ITGA9: variants seen among roughly 807,000 people sequenced by gnomAD.
The protein encoded by ITGA9 is integrin subunit alpha 9, also known as integrin alpha-9.
In ITGA9, 56 loss-of-function variants were observed where a neutral mutation model predicts 127.8. The ratio of observed to expected loss-of-function variants is 0.44; its 90% CI spans 0.35 to 0.55. The LOEUF is 0.55. Among genes scored for constraint, ITGA9 ranks in the 20% least tolerant of loss-of-function variants. The pLI, the probability that ITGA9 is intolerant of heterozygous loss-of-function variation, is 0.00. For missense variants in ITGA9, 1,196 were observed against 1,347.1 expected, an observed-to-expected ratio of 0.89 and a Z score of 1.76; for synonymous variants, 508 against 514.5, an observed-to-expected ratio of 0.99 and a Z score of 0.17.
intron 16 of ITGA9, among the ~76,000 whole-genome samples, chr3:37,645,483 G>A (rs1367713750): frequency 6.6e-6 from 1 of 152,136 alleles, no homozygotes; most frequent in Non-Finnish European, 1.5e-5. Context: ...CACGAGACTT[G>A]AACCCAGGAG....
chr3:37,765,886 G>A (rs1171915495), intron 23 of ITGA9, among the ~76,000 whole-genome samples: 2 of 152,250 alleles, frequency 1.3e-5, no homozygotes, highest in African/African-American at 4.8e-5. Context: ...GCTCACAGCT[G>A]CTGTGACATC....
chr3:37,465,062 A>G (rs1159480525), intron 1 of ITGA9, among the ~76,000 whole-genome samples: 8 of 152,270 alleles, frequency 5.3e-5, no homozygotes, highest in Admixed American at 2.6e-4. Flanking sequence ...TGCTGAAAGC[A>G]AACCTAATGG....
chr3:37,740,034 G>A (rs1696414086), intron 20 of ITGA9, among the ~76,000 whole-genome samples: 1 of 152,192 alleles, frequency 6.6e-6, no homozygotes, highest in Admixed American at 6.5e-5. Context: ...GAGGAGCCAG[G>A]GCAGAGACTG....
chr3:37,633,011 G>A (rs1700242157), intron 16 of ITGA9, among the ~76,000 whole-genome samples: 1 of 152,098 alleles, frequency 6.6e-6, no homozygotes, highest in African/African-American at 2.4e-5. Flanking sequence ...CAACCAGAAG[G>A]AGCAAGATGT....
chr3:37,706,502 G>T (rs1233927922), intron 18 of ITGA9, among the ~76,000 whole-genome samples: 1 of 152,198 alleles, frequency 6.6e-6, no homozygotes, highest in Non-Finnish European at 1.5e-5. Flanking sequence ...TGAGGTCACT[G>T]CCATTGGTGC....
At chr3:37,536,597 A>G (rs997696135) in intron 14 of ITGA9, among the ~76,000 whole-genome samples, 2 of 152,200 alleles carry the variant, frequency 1.3e-5, no homozygotes, top group Non-Finnish European at 2.9e-5. Context: ...ATGTACAGAG[A>G]AGGGACACCA....
chr3:37,786,097 C>G (rs1370103375), intron 26 of ITGA9, among the ~76,000 whole-genome samples: 2 of 152,126 alleles, frequency 1.3e-5, no homozygotes, highest in African/African-American at 4.8e-5. Flanking sequence ...GAGACAGCAG[C>G]CGATGCACTT....
rs143960385 is a variant in ITGA9, at chr3:37,653,797, C to T, written c.1916+7C>T. 8.8e-5 allele frequency: 141 copies of T among 1,607,780 alleles called. No homozygotes were observed. In the East Asian group the frequency reaches 1.7e-3, roughly 20 times the overall value. On this transcript the variant is annotated splice_region_variant and intron_variant, in intron 17 of 27. Coordinates refer to ENST00000264741, the MANE Select transcript of ITGA9 (RefSeq NM_002207.3). ...GTAAACTGCTGCTCTCCAGGTATGT[C>T]GGTGTTTCCTTCAGAGCATTGTTCT...
intron 18 of ITGA9, among the ~76,000 whole-genome samples, chr3:37,710,202 C>G (rs936016789): frequency 2.0e-5 from 3 of 152,200 alleles, no homozygotes; most frequent in African/African-American, 4.8e-5. Flanking sequence ...TTATTCCCAT[C>G]TTACAGGGGT....
intron 1 of ITGA9, among the ~76,000 whole-genome samples, chr3:37,456,619 CCT>C (rs1698261535): frequency 6.6e-6 from 1 of 152,204 alleles, no homozygotes; most frequent in South Asian, 2.1e-4. Context: ...CTTCCTGCTC[CCT>C]CTCCTGGGAC....
chr3:37,599,614 A>G (rs1699898575), intron 15 of ITGA9, among the ~76,000 whole-genome samples: 1 of 152,152 alleles, frequency 6.6e-6, no homozygotes, highest in South Asian at 2.1e-4. Context: ...ATATGTAGGG[A>G]CAGGTAGAAC....
At chr3:37,453,246 T>G (rs78665795) in intron 1 of ITGA9, among the ~76,000 whole-genome samples, 12,131 of 152,154 alleles carry the variant, frequency 0.08, 570 homozygotes, top group African/African-American at 0.1. Context: ...AGTTATCTCT[T>G]GGGAGAGCCT....
intron 18 of ITGA9, among the ~76,000 whole-genome samples, chr3:37,702,101 T>C (rs1222322487): frequency 6.6e-6 from 1 of 152,148 alleles, no homozygotes; most frequent in Non-Finnish European, 1.5e-5. Context: ...CCAACATGCA[T>C]GAGCCACTTA....
chr3:37,683,020 G>A (rs1404125038), intron 17 of ITGA9, among the ~76,000 whole-genome samples: 1 of 152,182 alleles, frequency 6.6e-6, no homozygotes, highest in Non-Finnish European at 1.5e-5. Context: ...AAGTCACGCT[G>A]CTCCTCTGCT....
intron 11 of ITGA9, 124 bp downstream of exon 11, chr3:37,519,478 C>A: frequency 2.6e-6 from 2 of 767,674 alleles, no homozygotes; most frequent in Non-Finnish European, 4.6e-6. Flanking sequence ...CTTGGCCTTC[C>A]TACCCTTTTG....
chr3:37,729,916 A>T (rs1696266412), intron 18 of ITGA9, among the ~76,000 whole-genome samples: 1 of 151,992 alleles, frequency 6.6e-6, no homozygotes, highest in East Asian at 1.9e-4. Flanking sequence ...GTTGGCCAGG[A>T]TGGTCTCAAT....
intron 18 of ITGA9, among the ~76,000 whole-genome samples, chr3:37,705,222 A>T (rs536870713): frequency 5.3e-5 from 8 of 152,358 alleles, no homozygotes; most frequent in Non-Finnish European, 1.2e-4. Context: ...TAAGCCAAAA[A>T]ATTTGACCTT....
At chr3:37,478,724 A>C (rs1224360591) in intron 3 of ITGA9, among the ~76,000 whole-genome samples, 1 of 152,250 alleles carries the variant, frequency 6.6e-6, no homozygotes, top group Non-Finnish European at 1.5e-5. Flanking sequence ...ATGATAATCA[A>C]GGCTAAACAC....
chr3:37,779,694 ACTTAAAGGCATG>A (rs534726413), intron 24 of ITGA9, among the ~76,000 whole-genome samples, 196 bp from the exon 25 acceptor site: 54 of 152,172 alleles, frequency 3.5e-4, no homozygotes, highest in African/African-American at 1.3e-3. Flanking sequence ...CAGTTGCTTG[ACTTAAAGGCATG>A]CTCTGGTTCC....
Sources: gnomAD v4.1 joint callset for allele counts (sites outside exome capture counted in the v4.1 genomes callset) on GRCh38, gnomAD v4.1.1 for gene constraint, MANE v1.5 for transcripts, NCBI Gene and HGNC (gene_info 2026-07-23, HGNC 2026-07-21) for gene names.